The following WDPCP variants were observed in gnomAD, a reference collection of about 807,000 sequenced individuals.
WDPCP encodes WD repeat-containing and planar cell polarity effector protein fritz homolog.
WDPCP carries 71 observed loss-of-function variants against 93.1 expected under a neutral mutation model. The ratio of observed to expected loss-of-function variants is 0.76; its 90% CI spans 0.63 to 0.93. WDPCP has a LOEUF of 0.93. Among genes scored for constraint, WDPCP ranks in the 40% least tolerant of loss-of-function variants. WDPCP has a pLI of 0.00. For missense variants in WDPCP, 844 were observed against 887.4 expected (o/e 0.95, Z 0.62); for synonymous variants, 315 against 315.0 (o/e 1.00, Z 0.00).
chr2:63,356,144 C>T (rs1432916492), intron 12 of WDPCP, among the ~76,000 whole-genome samples: 1 of 152,088 alleles, frequency 6.6e-6, no homozygotes, highest in Admixed American at 6.6e-5. Flanking sequence ...TCAGACAAAA[C>T]AGATTTCAAA....
upstream of WDPCP, chr2:63,589,132 C>CAGCT (rs375161098): frequency 2.2e-4 from 351 of 1,613,934 alleles, 1 homozygote; most frequent in African/African-American, 4.1e-3. Flanking sequence ...TTTTGGGAGG[C>CAGCT]AGCTGTGCAA....
At chr2:63,769,987 C>G (rs1040545214) in intron 2 of WDPCP, among the ~76,000 whole-genome samples, 1 of 151,690 alleles carries the variant, frequency 6.6e-6, no homozygotes, top group Non-Finnish European at 1.5e-5. Flanking sequence ...TAGAGTCCCC[C>G]CAAGACAAAT....
intron 1 of WDPCP, among the ~76,000 whole-genome samples, chr2:63,579,426 A>G (rs1708344598): frequency 6.6e-6 from 1 of 152,146 alleles, no homozygotes; most frequent in Non-Finnish European, 1.5e-5. Context: ...CCTGGCCAAC[A>G]TGGTGAAACT....
chr2:63,484,368 T>C (rs2105903940), intron 6 of WDPCP, among the ~76,000 whole-genome samples: 1 of 152,106 alleles, frequency 6.6e-6, no homozygotes, highest in East Asian at 1.9e-4. Flanking sequence ...TATGAAAAGA[T>C]TTTTATTAGT....
At chr2:63,213,523 A>C (rs904820946) in intron 14 of WDPCP, among the ~76,000 whole-genome samples, 2 of 152,232 alleles carry the variant, frequency 1.3e-5, no homozygotes, top group African/African-American at 4.8e-5. Flanking sequence ...AGAAAGCAGG[A>C]AAGATCTAAA....
At chr2:63,279,087 T>A (rs1414756620) in intron 13 of WDPCP, among the ~76,000 whole-genome samples, 3 of 152,150 alleles carry the variant, frequency 2.0e-5, no homozygotes, top group Admixed American at 2.0e-4. Flanking sequence ...CTACTGACAC[T>A]ATTGCAGAGG....
the WDPCP span, among the ~76,000 whole-genome samples, chr2:63,837,677 G>A: frequency 1.3e-5 from 2 of 152,190 alleles, no homozygotes; most frequent in Admixed American, 1.3e-4. Context: ...ACAGCTTATT[G>A]TAAAGTCATC....
At chr2:63,508,643 A>T (rs1197540787) in intron 1 of WDPCP, among the ~76,000 whole-genome samples, 1 of 152,084 alleles carries the variant, frequency 6.6e-6, no homozygotes, top group African/African-American at 2.4e-5. Flanking sequence ...AGACTGGCAA[A>T]CTGAATAGAG....
chr2:63,221,065 T>C (rs1477810667), intron 14 of WDPCP, among the ~76,000 whole-genome samples: 1 of 152,206 alleles, frequency 6.6e-6, no homozygotes, highest in Non-Finnish European at 1.5e-5. Context: ...GTATTCCATG[T>C]TGTGTATGTA....
intron 13 of WDPCP, among the ~76,000 whole-genome samples, chr2:63,292,008 C>T (rs1164312401): frequency 2.7e-5 from 4 of 150,742 alleles, no homozygotes; most frequent in African/African-American, 9.7e-5. Flanking sequence ...TGGCGGGCGC[C>T]TGTAGTCCCA....
chr2:63,577,652 A>C (rs1023399030), intron 1 of WDPCP, among the ~76,000 whole-genome samples: 6 of 152,188 alleles, frequency 3.9e-5, no homozygotes, highest in Non-Finnish European at 8.8e-5. Context: ...TTTTATGTCA[A>C]ATACAAATTT....
chr2:63,374,855 A>C (rs1691717821), intron 12 of WDPCP, among the ~76,000 whole-genome samples: 1 of 152,128 alleles, frequency 6.6e-6, no homozygotes, highest in South Asian at 2.1e-4. Context: ...CCATCAATTC[A>C]TATTACTTTT....
intron 14 of WDPCP, chr2:63,229,030 C>G (rs1013570087): frequency 9.9e-5 from 15 of 152,134 alleles, no homozygotes; most frequent in Non-Finnish European, 2.2e-4. Context: ...AATGGTTGAA[C>G]TAGTTTACAG....
intron 9 of WDPCP, among the ~76,000 whole-genome samples, chr2:63,406,525 G>T (rs945716532): frequency 6.6e-6 from 1 of 152,098 alleles, no homozygotes; most frequent in Admixed American, 6.6e-5. Context: ...GTTCATAGCT[G>T]ACACCCCCTA....
At chr2:63,553,675 T>C (rs748410898) in intron 1 of WDPCP, among the ~76,000 whole-genome samples, 15 of 152,324 alleles carry the variant, frequency 9.8e-5, no homozygotes, top group Non-Finnish European at 2.2e-4. Flanking sequence ...GAGCATTCAA[T>C]GTGAATTGGG....
At chr2:63,508,385 T>C (rs1472206711) in intron 1 of WDPCP, among the ~76,000 whole-genome samples, 12 of 152,282 alleles carry the variant, frequency 7.9e-5, no homozygotes, top group Non-Finnish European at 5.9e-5. Context: ...AAGCAAATGC[T>C]GAGGGATTGT....
At chr2:63,150,395 GTAGA>G (rs896263932) in intron 17 of WDPCP, among the ~76,000 whole-genome samples, 7 of 152,302 alleles carry the variant, frequency 4.6e-5, no homozygotes, top group African/African-American at 1.4e-4. Context: ...CTGGCATTCA[GTAGA>G]CAGAGGCCAG....
intron 14 of WDPCP, chr2:63,228,405 T>G (rs1455038975): frequency 1.5e-5 from 2 of 132,450 alleles, no homozygotes; most frequent in South Asian, 2.5e-4. Flanking sequence ...TTTTTTTTTT[T>G]GAATTTTTTG....
chr2:63,725,686 C>T (rs1669486889), intron 2 of WDPCP, among the ~76,000 whole-genome samples: 2 of 152,146 alleles, frequency 1.3e-5, no homozygotes, highest in South Asian at 4.1e-4. Context: ...GTTAACTTTT[C>T]TCCACAACCT....
Sources: gnomAD v4.1 joint callset for allele counts (sites outside exome capture counted in the v4.1 genomes callset) on GRCh38, gnomAD v4.1.1 for gene constraint, MANE v1.5 for transcripts, NCBI Gene and HGNC (gene_info 2026-07-23, HGNC 2026-07-21) for gene names.